EPB41L4B: variants seen among roughly 807,000 people sequenced by gnomAD.
EPB41L4B encodes the protein erythrocyte membrane protein band 4.1 like 4B, also known as band 4.1-like protein 4B.
Under a neutral mutation model 112.5 loss-of-function variants are expected in EPB41L4B, and 30 were observed. That is an observed-to-expected ratio of 0.27 (90% CI 0.20 to 0.36). The LOEUF (loss-of-function observed/expected upper bound fraction) is 0.36. Ranked by LOEUF, EPB41L4B falls within the 10% of genes least tolerant of loss-of-function variation. The pLI is 1.00. For missense variants in EPB41L4B, 1,024 were observed against 1,133.3 expected, an observed-to-expected ratio of 0.90 and a Z score of 1.38; for synonymous variants, 408 against 439.7, an observed-to-expected ratio of 0.93 and a Z score of 0.90.
chr9:109,204,033 G>A (rs1396262190), intron 18 of EPB41L4B, among the ~76,000 whole-genome samples: 1 of 152,210 alleles, frequency 6.6e-6, no homozygotes, highest in Admixed American at 6.5e-5. Context: ...TGTGGGAAAA[G>A]CCAAACCCGC....
intron 2 of EPB41L4B, among the ~76,000 whole-genome samples, chr9:109,275,073 C>A (rs1382910786): frequency 6.6e-6 from 1 of 152,202 alleles, no homozygotes; most frequent in Non-Finnish European, 1.5e-5. Context: ...TGGATGGCCT[C>A]CTGTTTTGAC....
At chr9:109,297,702 C>T (rs1836790660) in intron 1 of EPB41L4B, among the ~76,000 whole-genome samples, 1 of 152,202 alleles carries the variant, frequency 6.6e-6, no homozygotes, top group Admixed American at 6.5e-5. Flanking sequence ...CACGGTACTC[C>T]CCTGGACTGA....
chr9:109,264,977 T>C lies in EPB41L4B; in HGVS notation c.578+3A>G, dbSNP rs1394981547. 2 of 1,605,346 alleles carry C rather than the reference T, an allele frequency of 1.2e-6. No homozygotes were observed. The highest frequency in any genetic ancestry group is 1.7e-6 in the Non-Finnish European group (2 of 1,177,676). ...TTAAGAGTTAGAACAAAAACATACTTACTTTCCAGAAAGAATGTCATGCCT... is the reference window on the plus strand; with the variant it reads ...TTAAGAGTTAGAACAAAAACATACTCACTTTCCAGAAAGAATGTCATGCCT... On this transcript the variant is annotated splice_donor_region_variant and intron_variant, in intron 5 of 25. Transcript: ENST00000374566.
rs1431619432 is a variant in EPB41L4B at position 109,281,424 on chromosome 9, C to T, written c.307-1503G>A. 2.6e-5 allele frequency among the ~76,000 whole-genome samples: 4 copies of T among 152,100 alleles called. No homozygotes were observed. The East Asian group carries it at 5.8e-4, about 22-fold the overall frequency. On this transcript the variant is annotated intron_variant, in intron 1 of 25. Transcript: ENST00000374566. ...CTAGGATGGCTGTAATTAAAAAGGC[C>T]GGGCACAGTGGCTCATGCCTGTAAT... is the stretch of plus-strand genomic sequence containing the variant.
chr9:109,260,176 G>A (rs2119045858), intron 6 of EPB41L4B, among the ~76,000 whole-genome samples: 1 of 152,072 alleles, frequency 6.6e-6, no homozygotes, highest in African/African-American at 2.4e-5. Flanking sequence ...CCTGGCTCAG[G>A]TGATCCTCCC....
chr9:109,208,259 C>T (rs904377521), intron 17 of EPB41L4B, among the ~76,000 whole-genome samples: 2 of 152,152 alleles, frequency 1.3e-5, no homozygotes, highest in Non-Finnish European at 1.5e-5. Flanking sequence ...GGGTGAGGAC[C>T]TACCAGAAGC....
intron 1 of EPB41L4B, among the ~76,000 whole-genome samples, chr9:109,294,901 G>A (rs1588219004): frequency 6.6e-6 from 1 of 152,190 alleles, no homozygotes; most frequent in East Asian, 1.9e-4. Flanking sequence ...GTGCAAAGGA[G>A]TTGGGGATTG....
chr9:109,246,539 T>C (rs1834565744), intron 14 of EPB41L4B, among the ~76,000 whole-genome samples: 1 of 152,146 alleles, frequency 6.6e-6, no homozygotes, highest in Non-Finnish European at 1.5e-5. Flanking sequence ...GGGCAAAGAA[T>C]GGTGGGAAGA....
intron 15 of EPB41L4B, among the ~76,000 whole-genome samples, chr9:109,242,626 T>C (rs1834392170): frequency 6.6e-6 from 1 of 152,202 alleles, no homozygotes; most frequent in African/African-American, 2.4e-5. Context: ...GCTTTGGGGT[T>C]ACAAAATTCC....
intron 1 of EPB41L4B, among the ~76,000 whole-genome samples, chr9:109,306,033 C>T (rs1426521269): frequency 6.6e-6 from 1 of 152,134 alleles, no homozygotes; most frequent in East Asian, 1.9e-4. Flanking sequence ...GAGTGACAGC[C>T]GTGAAGAAAA....
At chr9:109,175,365 A>G (rs1268302997) in intron 25 of EPB41L4B, among the ~76,000 whole-genome samples, 3 of 152,246 alleles carry the variant, frequency 2.0e-5, no homozygotes, top group East Asian at 3.9e-4. Context: ...TATTTTAATG[A>G]ATCAAATTGA....
At chr9:109,309,061 C>T (rs1018988762) in intron 1 of EPB41L4B, among the ~76,000 whole-genome samples, 3 of 151,380 alleles carry the variant, frequency 2.0e-5, no homozygotes, top group African/African-American at 7.3e-5. Context: ...GGTGACGAAG[C>T]GAGATTCCGT....
chr9:109,266,211 T>TA (rs1259938346), intron 4 of EPB41L4B, among the ~76,000 whole-genome samples: 1 of 152,052 alleles, frequency 6.6e-6, no homozygotes, highest in East Asian at 1.9e-4. Flanking sequence ...GTCTCTATTT[T>TA]AAAAAATACA....
chr9:109,181,674 A>G (rs77528298), intron 24 of EPB41L4B, among the ~76,000 whole-genome samples: 2,188 of 152,036 alleles, frequency 0.014, 58 homozygotes, highest in African/African-American at 0.05. Flanking sequence ...TCATCTCTAA[A>G]AGCAAAAAAG....
At chr9:109,255,363 T>G in intron 11 of EPB41L4B, 148 bp downstream of exon 11, 1 of 846,556 alleles carries the variant, frequency 1.2e-6, no homozygotes, top group Non-Finnish European at 1.8e-6. Flanking sequence ...TCAAAAGAGC[T>G]TCAGTTACTC....
intron 15 of EPB41L4B, among the ~76,000 whole-genome samples, chr9:109,231,358 T>C (rs892158444): frequency 2.6e-4 from 40 of 152,192 alleles, no homozygotes; most frequent in African/African-American, 8.4e-4. Flanking sequence ...TGATGATTAG[T>C]TACCTGGAGC....
At chr9:109,185,898 G>T (rs1431843994) in intron 22 of EPB41L4B, among the ~76,000 whole-genome samples, 2 of 150,976 alleles carry the variant, frequency 1.3e-5, no homozygotes, top group East Asian at 3.9e-4. Flanking sequence ...CCCAGGCCTG[G>T]TAGGTAGAGG....
At chr9:109,271,536 G>A (rs570706865) in intron 2 of EPB41L4B, among the ~76,000 whole-genome samples, 1 of 152,286 alleles carries the variant, frequency 6.6e-6, no homozygotes, top group South Asian at 2.1e-4. Flanking sequence ...CTGATCACTC[G>A]TGTTTTATCC....
At chr9:109,264,317 C>T (rs554602902) in intron 5 of EPB41L4B, among the ~76,000 whole-genome samples, 71 of 152,292 alleles carry the variant, frequency 4.7e-4, no homozygotes, top group African/African-American at 1.7e-3. Flanking sequence ...ACTTTTTAGA[C>T]TCAATATAGC....
Sources: gnomAD v4.1 joint callset for allele counts (sites outside exome capture counted in the v4.1 genomes callset) on GRCh38, gnomAD v4.1.1 for gene constraint, MANE v1.5 for transcripts, NCBI Gene and HGNC (gene_info 2026-07-23, HGNC 2026-07-21) for gene names.